The following ABLIM1 variants were observed in gnomAD, a reference collection of about 807,000 sequenced individuals.
The protein encoded by ABLIM1 is actin-binding LIM protein 1.
In ABLIM1, 40 loss-of-function variants were observed where a neutral mutation model predicts 107.0. The ratio of observed to expected loss-of-function variants is 0.37; its 90% CI spans 0.29 to 0.49. The LOEUF is 0.49. ABLIM1 is among the 20% of genes least tolerant of loss of function. ABLIM1 has a pLI of 0.97. For missense variants in ABLIM1, 857 were observed against 1,008.5 expected, an observed-to-expected ratio of 0.85 and a Z score of 2.04; for synonymous variants, 357 against 357.3, an observed-to-expected ratio of 1.00 and a Z score of 0.01.
the ABLIM1 span, among the ~76,000 whole-genome samples, chr10:114,796,833 T>C: frequency 1.3e-5 from 2 of 152,212 alleles, no homozygotes; most frequent in African/African-American, 4.8e-5. Flanking sequence ...CTTGTTGCTG[T>C]TACTTGTAGA....
chr10:114,589,242 G>A (rs558410353), intron 2 of ABLIM1, among the ~76,000 whole-genome samples: 8 of 148,542 alleles, frequency 5.4e-5, no homozygotes, highest in Admixed American at 2.0e-4. Context: ...TAAGAGACAG[G>A]GTCTTTGCTG....
In ABLIM1 at chr10:114,707,163, T is replaced by C. The variant is rs540929993; in HGVS notation, c.-213+60898A>G. ...AAACGTGGTCAATGACCACATGTGA[T>C]GAGTGACTACCATACATACAGTGCA... is the stretch of plus-strand genomic sequence containing the variant. On this transcript the variant is annotated intron_variant, in intron 1 of 15. Coordinates refer to the ABLIM1 transcript ENST00000651092. This position sits in a 1 kb window ranked among gnomAD's most constrained non-coding sequence, Gnocchi z 4.1. 3.5e-4 allele frequency among the ~76,000 whole-genome samples: 53 copies of C among 152,346 alleles called. No homozygotes were observed. Among genetic ancestry groups the C allele is most frequent in the Admixed American group, 1.8e-3 (28 of 15,298 alleles).
chr10:114,688,976 C>A (rs1464801019), upstream of ABLIM1, among the ~76,000 whole-genome samples: 1 of 152,156 alleles, frequency 6.6e-6, no homozygotes, highest in Non-Finnish European at 1.5e-5. Flanking sequence ...TTATTGACGT[C>A]AGAAGAATCA....
At chr10:114,776,911 C>T in the ABLIM1 span, among the ~76,000 whole-genome samples, 1,083 of 152,284 alleles carry the variant, frequency 7.1e-3, 7 homozygotes, top group African/African-American at 0.025. Flanking sequence ...AGCCATCACA[C>T]CCAGCCTAAA....
At chr10:114,479,373 G>A (rs2056996557) in intron 8 of ABLIM1, among the ~76,000 whole-genome samples, 1 of 152,128 alleles carries the variant, frequency 6.6e-6, no homozygotes, top group Non-Finnish European at 1.5e-5. Flanking sequence ...TACAGCTACC[G>A]CACTTGGACT....
In ABLIM1 at chr10:114,459,744, G is replaced by A. The variant is rs529381650; in HGVS notation, c.1441+5954C>T. 2.0e-5 allele frequency among the ~76,000 whole-genome samples: 3 copies of A among 152,172 alleles called. No individual in the cohort carries two copies. The South Asian group carries it at 6.2e-4, about 32-fold the overall frequency. On this transcript the variant is annotated intron_variant, in intron 12 of 22. Coordinates refer to ENST00000533213, the MANE Select transcript of ABLIM1 (RefSeq NM_002313.7). ...GACTATTTCATATGAACAAACTATA[G>A]GCACACGTCTAGTAAAAAGAAAAAG...
chr10:114,754,413 T>C (rs1240151674), intron 1 of ABLIM1, among the ~76,000 whole-genome samples: 2 of 152,228 alleles, frequency 1.3e-5, no homozygotes, highest in South Asian at 4.1e-4. Context: ...ACACATGTAA[T>C]ATTTGGTCCC....
chr10:114,497,637 G>T (rs1044856941), intron 6 of ABLIM1, among the ~76,000 whole-genome samples: 4 of 122,062 alleles, frequency 3.3e-5, no homozygotes, highest in African/African-American at 1.3e-4. Context: ...AGCCGAGATC[G>T]CACCACTGCA....
chr10:114,788,552 AC>A, the ABLIM1 span, among the ~76,000 whole-genome samples: 1 of 152,000 alleles, frequency 6.6e-6, no homozygotes, highest in African/African-American at 2.4e-5. Context: ...ATATGGTGAA[AC>A]CCCGTCTCTA....
chr10:114,684,566 C>T, exon 1 of ABLIM1: 1 of 1,356,012 alleles, frequency 7.4e-7, no homozygotes, highest in South Asian at 2.1e-5. Context: ...GCTCCTTCCT[C>T]ATGTACAGAT....
At chr10:114,648,759 G>A (rs563382290) in intron 1 of ABLIM1, among the ~76,000 whole-genome samples, 1 of 152,222 alleles carries the variant, frequency 6.6e-6, no homozygotes, top group South Asian at 2.1e-4. Context: ...AAGAAACCAC[G>A]GAAACAACTG....
intron 1 of ABLIM1, among the ~76,000 whole-genome samples, chr10:114,630,977 C>T (rs1485066140): frequency 6.6e-6 from 1 of 152,152 alleles, no homozygotes; most frequent in Non-Finnish European, 1.5e-5. Context: ...TAATTCTGGT[C>T]TAGAAGGGTC....
chr10:114,474,060 A>G, intron 8 of ABLIM1, 104 bp from the exon 9 acceptor site: 1 of 795,188 alleles, frequency 1.3e-6, no homozygotes, highest in Middle Eastern at 2.3e-4. Context: ...TGAAAAAAAG[A>G]AACACTTATC....
At chr10:114,657,903 A>G in intron 1 of ABLIM1, 54 bp downstream of exon 1, 1 of 1,446,632 alleles carries the variant, frequency 6.9e-7, no homozygotes, top group Non-Finnish European at 9.6e-7. Flanking sequence ...TACTCTCTTA[A>G]TTACGCCAAT....
chr10:114,474,068 A>G (rs1296355221), intron 8 of ABLIM1, 112 bp from the exon 9 acceptor site: 10 of 711,364 alleles, frequency 1.4e-5, no homozygotes, highest in South Asian at 3.8e-5. Context: ...AGAAACACTT[A>G]TCACCTTTTT....
chr10:114,704,591 T>C (rs572908253), intron 1 of ABLIM1, among the ~76,000 whole-genome samples: 1 of 133,530 alleles, frequency 7.5e-6, no homozygotes, highest in East Asian at 2.2e-4. Context: ...TCACTTTCTA[T>C]AAAGTGATTC....
At chr10:114,552,629 G>A (rs966877588) in intron 4 of ABLIM1, among the ~76,000 whole-genome samples, 61 of 152,230 alleles carry the variant, frequency 4.0e-4, no homozygotes, top group African/African-American at 1.1e-3. Flanking sequence ...CTACATAGCC[G>A]CTTCCAAATT....
At chr10:114,627,951 C>G (rs927145377) in intron 1 of ABLIM1, among the ~76,000 whole-genome samples, 1 of 152,020 alleles carries the variant, frequency 6.6e-6, no homozygotes, top group Non-Finnish European at 1.5e-5. Flanking sequence ...GGTGAAACCC[C>G]ATCTCTAATA....
Position 114,545,038 on chromosome 10 carries a change from C to T in ABLIM1, c.861G>A (p.Ala287=), listed in dbSNP as rs770300236. 5 of 1,614,162 alleles carry T rather than the reference C, an allele frequency of 3.1e-6. No homozygotes were observed. The highest frequency in any genetic ancestry group is 2.2e-5 in the South Asian group (2 of 91,088). The part of the protein sequence containing the change: ...YQGLFGVKCE[A]CHQFITGKVL... ...CTTTCCCTGTGATAAACTGGTGACA[C>T]GCCTCACATTTCACCCCAAAGAGTC... Residue 287 remains alanine (A), a synonymous_variant, in exon 6 of 23, where the codon GCG becomes GCA. Coordinates refer to ENST00000533213, the MANE Select transcript of ABLIM1 (RefSeq NM_002313.7).
Sources: allele counts gnomAD v4.1 joint callset (sites outside exome capture counted in the v4.1 genomes callset), GRCh38; gene constraint gnomAD v4.1.1; non-coding constraint Gnocchi (gnomAD v3.1); transcripts MANE v1.5; gene names NCBI Gene and HGNC (gene_info 2026-07-23, HGNC 2026-07-21).